Variants in MATN2 observed in about 807,000 individuals in gnomAD.
MATN2 encodes matrilin 2.
A neutral mutation model predicts 103.2 loss-of-function variants in MATN2; 69 were observed. That is an observed-to-expected ratio of 0.67 (90% CI 0.55 to 0.82). The LOEUF (loss-of-function observed/expected upper bound fraction) is 0.82. Among genes scored for constraint, MATN2 ranks in the 40% least tolerant of loss-of-function variants. MATN2 has a pLI of 0.00. For missense variants in MATN2, 1,023 were observed against 1,211.5 expected (o/e 0.84, Z 2.31); for synonymous variants, 429 against 450.2 (o/e 0.95, Z 0.60).
At chr8:98,003,545 C>A in intron 7 of MATN2, 116 bp from the exon 8 acceptor site, 2 of 1,174,154 alleles carry the variant, frequency 1.7e-6, no homozygotes, top group South Asian at 1.4e-5. Context: ...CGGCTTGCCT[C>A]AGCAGGCAGC....
At chr8:97,974,039 T>G (rs1245274264) in intron 5 of MATN2, among the ~76,000 whole-genome samples, 1 of 152,228 alleles carries the variant, frequency 6.6e-6, no homozygotes, top group African/African-American at 2.4e-5. Flanking sequence ...ATAGCAATTT[T>G]GGTTAGCAAA....
chr8:97,914,816 C>T (rs1809567639), intron 2 of MATN2, among the ~76,000 whole-genome samples: 1 of 152,142 alleles, frequency 6.6e-6, no homozygotes, highest in African/African-American at 2.4e-5. Flanking sequence ...ATACGCTGCC[C>T]TTTTACCTAA....
intron 4 of MATN2, among the ~76,000 whole-genome samples, chr8:97,957,449 TC>T (rs1226551249): frequency 3.3e-5 from 5 of 152,254 alleles, no homozygotes; most frequent in Non-Finnish European, 5.9e-5. Flanking sequence ...ATTAGATTAA[TC>T]CCTGAATGGT....
rs1377470902 is a variant in MATN2 at position 97,961,544 on chromosome 8, C to T, written c.958+14C>T. 1.2e-6 allele frequency: 2 copies of T among 1,601,308 alleles called. No individual in the cohort carries two copies. The highest frequency in any genetic ancestry group is 1.7e-6 in the Non-Finnish European group (2 of 1,172,274). The stretch of plus-strand genomic sequence containing the variant: ...AGAGGTGTGTGGGTGAGTATCCCTC[C>T]AGCTGGGCTTGGTAGGGAAGGACAA... On this transcript the variant is annotated intron_variant, in intron 5 of 18. Coordinates refer to ENST00000254898, the MANE Select transcript of MATN2 (RefSeq NM_002380.5).
At chr8:98,016,693 CTAT>C (rs781609853) in intron 11 of MATN2, 31 bp downstream of exon 11, 91 of 1,602,892 alleles carry the variant, frequency 5.7e-5, no homozygotes, top group Non-Finnish European at 7.6e-5. Context: ...GCTCCTACTA[CTAT>C]GCCAGACCAC....
intron 2 of MATN2, among the ~76,000 whole-genome samples, chr8:97,914,768 C>T (rs1007014178): frequency 6.6e-6 from 1 of 152,176 alleles, no homozygotes; most frequent in Non-Finnish European, 1.5e-5. Flanking sequence ...TACCTGGGTG[C>T]GTGTGCATCC....
At chr8:97,903,871 A>G (rs981311048) in intron 2 of MATN2, among the ~76,000 whole-genome samples, 1 of 152,216 alleles carries the variant, frequency 6.6e-6, no homozygotes, top group Non-Finnish European at 1.5e-5. Context: ...TGTCTTATCA[A>G]ATGTTTTCCC....
At chr8:97,959,545 G>A (rs1391842890) in intron 4 of MATN2, among the ~76,000 whole-genome samples, 1 of 152,136 alleles carries the variant, frequency 6.6e-6, no homozygotes, top group African/African-American at 2.4e-5. Context: ...CTTTCTGGTT[G>A]GAGTTCTCAA....
At chr8:97,991,752 T>C (rs1169971873) in intron 6 of MATN2, among the ~76,000 whole-genome samples, 1 of 151,312 alleles carries the variant, frequency 6.6e-6, no homozygotes, top group African/African-American at 2.4e-5. Flanking sequence ...TTTTCAGAAA[T>C]GGGGTCTTGC....
chr8:98,000,855 A>C (rs1190815259), intron 7 of MATN2, among the ~76,000 whole-genome samples: 4 of 152,198 alleles, frequency 2.6e-5, no homozygotes, highest in Non-Finnish European at 5.9e-5. Context: ...CACAGATACA[A>C]AACATACTAC....
chr8:97,980,138 G>T (rs749308792), intron 6 of MATN2, among the ~76,000 whole-genome samples: 1 of 152,206 alleles, frequency 6.6e-6, no homozygotes, highest in Non-Finnish European at 1.5e-5. Context: ...GCAGAAAAGG[G>T]TGAGGTGGGG....
At chr8:97,901,228 G>A (rs1398797280) in intron 2 of MATN2, among the ~76,000 whole-genome samples, 2 of 152,050 alleles carry the variant, frequency 1.3e-5, no homozygotes, top group African/African-American at 4.8e-5. Context: ...TTTTAACTAT[G>A]CCAAAATGGT....
In MATN2 at chr8:97,964,796, C is replaced by T. The variant is rs182059640; in HGVS notation, c.958+3266C>T. On this transcript the variant is annotated intron_variant, in intron 5 of 18. Coordinates refer to ENST00000254898, the MANE Select transcript of MATN2 (RefSeq NM_002380.5). ...TCACCCAGACTGGAGTACAGTGGCG[C>T]GACCTCGGCTCACTGCAACCTCTGT... Among the ~76,000 whole-genome samples, 133 of 152,204 alleles carry T rather than the reference C, an allele frequency of 8.7e-4. No homozygotes were observed. The East Asian group carries it at 9.1e-3, about 10-fold the overall frequency.
Position 97,942,732 on chromosome 8 carries a change from A to C in MATN2, c.835+833A>C, listed in dbSNP as rs534561262. 3.3e-4 allele frequency among the ~76,000 whole-genome samples: 51 copies of C among 152,338 alleles called. No homozygotes were observed. The South Asian group carries it at 9.7e-3, about 29-fold the overall frequency. ...ATTGTTGCAGTGTGTCATTGTTGCA[A>C]TGTATAATTGTTGTTATACCTCATG... On this transcript the variant is annotated intron_variant, in intron 4 of 18. Transcript: ENST00000254898.
chr8:97,936,812 A>G (rs1810383312), intron 3 of MATN2, among the ~76,000 whole-genome samples: 1 of 152,222 alleles, frequency 6.6e-6, no homozygotes, highest in South Asian at 2.1e-4. Context: ...ACAGAGGGCA[A>G]GGCATGAGGC....
At chr8:97,929,859 A>G (rs1279476975) in intron 2 of MATN2, among the ~76,000 whole-genome samples, 2 of 152,170 alleles carry the variant, frequency 1.3e-5, no homozygotes, top group Non-Finnish European at 2.9e-5. Context: ...TCCCTATGGG[A>G]GAGGTGAGTT....
chr8:97,978,891 G>A lies in MATN2; in HGVS notation c.964G>A (p.Asp322Asn), dbSNP rs754212296. Residue 322 changes from aspartate (D) to asparagine (N), a missense_variant, in exon 6 of 19, where the codon GAC (aspartate) becomes AAC (asparagine). Coordinates refer to ENST00000254898, the MANE Select transcript of MATN2 (RefSeq NM_002380.5). ...ATGTGTTTTATTCTCTCCAGCTGTG[G>A]ACTACTGTGCCTCAGAAAACCACGG... ...AEDGKRCVAV[D>N]YCASENHGCE... is the part of the protein sequence containing the mutation. The A allele has an allele frequency of 6.2e-7, 1 of 1,613,632 alleles. No individual in the cohort carries two copies. The highest frequency in any genetic ancestry group is 1.3e-5 in the African/African-American group (1 of 74,842).
intron 1 of MATN2, among the ~76,000 whole-genome samples, chr8:97,877,346 G>A (rs910356995): frequency 2.0e-5 from 3 of 151,998 alleles, no homozygotes; most frequent in African/African-American, 4.8e-5. Flanking sequence ...GCATGGTGGT[G>A]CATGCCTGTA....
intron 1 of MATN2, among the ~76,000 whole-genome samples, chr8:97,886,185 C>T (rs1252821688): frequency 1.3e-5 from 2 of 152,148 alleles, no homozygotes; most frequent in African/African-American, 4.8e-5. Flanking sequence ...CAGATGAGAA[C>T]ATCTAGTTGC....
Sources: gnomAD v4.1 joint callset for allele counts (sites outside exome capture counted in the v4.1 genomes callset) on GRCh38, gnomAD v4.1.1 for gene constraint, MANE v1.5 for transcripts, NCBI Gene and HGNC (gene_info 2026-07-23, HGNC 2026-07-21) for gene names.